SLC44A2: variants seen among roughly 807,000 people sequenced by gnomAD.
SLC44A2 encodes choline transporter-like protein 2.
SLC44A2 carries 57 observed loss-of-function variants against 90.8 expected under a neutral mutation model. The ratio of observed to expected loss-of-function variants is 0.63; its 90% CI spans 0.51 to 0.78. The LOEUF (loss-of-function observed/expected upper bound fraction) is 0.78. SLC44A2 is among the 30% of genes least tolerant of loss of function. SLC44A2 has a pLI of 0.00. For missense variants in SLC44A2, 794 were observed against 919.7 expected (o/e 0.86, Z 1.77); for synonymous variants, 355 against 360.7 (o/e 0.98, Z 0.18).
chr19:10,628,569 A>G (rs1189236942), intron 4 of SLC44A2, among the ~76,000 whole-genome samples: 1 of 152,160 alleles, frequency 6.6e-6, no homozygotes, highest in Non-Finnish European at 1.5e-5. Flanking sequence ...CAACAAGAAA[A>G]GAAAACAAGT....
chr19:10,627,676 C>T, intron 2 of SLC44A2, 46 bp from the exon 3 acceptor site: 1 of 1,600,552 alleles, frequency 6.2e-7, no homozygotes, highest in East Asian at 2.2e-5. Flanking sequence ...GCCCATGGTG[C>T]ACACAGCACC....
At chr19:10,614,469 G>A (rs1343118290) in intron 1 of SLC44A2, among the ~76,000 whole-genome samples, 2 of 151,962 alleles carry the variant, frequency 1.3e-5, no homozygotes, top group Non-Finnish European at 2.9e-5. Flanking sequence ...CTGGCCTCAA[G>A]AGATCCTCCC....
intron 10 of SLC44A2, among the ~76,000 whole-genome samples, chr19:10,632,833 C>T (rs573158188): frequency 4.0e-5 from 6 of 151,822 alleles, no homozygotes; most frequent in Admixed American, 6.6e-5. Flanking sequence ...CCTCCATGCC[C>T]GGCTGATTTC....
At chr19:10,618,958 C>CTTT (rs772955506) in intron 1 of SLC44A2, among the ~76,000 whole-genome samples, 21 of 100,084 alleles carry the variant, frequency 2.1e-4, no homozygotes, top group East Asian at 8.9e-4. Flanking sequence ...GTATACAATT[C>CTTT]TTTTTTTTTT....
At chr19:10,628,394 C>T (rs2066957491) in intron 4 of SLC44A2, among the ~76,000 whole-genome samples, 1 of 152,004 alleles carries the variant, frequency 6.6e-6, no homozygotes, top group Non-Finnish European at 1.5e-5. Flanking sequence ...TCAAAACAAA[C>T]AAGCAAAAAT....
intron 4 of SLC44A2, among the ~76,000 whole-genome samples, chr19:10,629,469 G>T (rs2066970517): frequency 6.6e-6 from 1 of 151,206 alleles, no homozygotes; most frequent in Non-Finnish European, 1.5e-5. Flanking sequence ...GTAGAGACGG[G>T]GTTTCATCAT....
chr19:10,610,202 GA>G (rs1006333734), intron 1 of SLC44A2, among the ~76,000 whole-genome samples: 31 of 148,434 alleles, frequency 2.1e-4, no homozygotes, highest in African/African-American at 6.4e-4. Flanking sequence ...TGTGAAAAAA[GA>G]AAAAAAAATA....
upstream of SLC44A2, among the ~76,000 whole-genome samples, chr19:10,624,911 G>A (rs904916290): frequency 7.9e-5 from 12 of 152,234 alleles, no homozygotes; most frequent in African/African-American, 2.4e-4. Context: ...ACGGTGGGAG[G>A]AGCCCACGAG....
At chr19:10,614,953 A>G (rs1191038300) in intron 1 of SLC44A2, among the ~76,000 whole-genome samples, 1 of 148,216 alleles carries the variant, frequency 6.7e-6, no homozygotes, top group Non-Finnish European at 1.5e-5. Flanking sequence ...CCTGGGTGAC[A>G]GAATGAGACT....
At chr19:10,626,223 C>T in intron 1 of SLC44A2, 30 bp from the exon 2 acceptor site, 1 of 1,597,194 alleles carries the variant, frequency 6.3e-7, no homozygotes, top group Non-Finnish European at 8.6e-7. Flanking sequence ...GGTCTCCAAT[C>T]CCATCCATCT....
Position 10,635,162 on chromosome 19 carries a change from G to A in SLC44A2, c.1056-1G>A. On this transcript the variant is annotated splice_acceptor_variant, in intron 12 of 21. Coordinates refer to ENST00000335757, the MANE Select transcript of SLC44A2 (RefSeq NM_020428.4). LOFTEE classifies it high-confidence loss of function. ...ACGCCTGTGTCTCTGCTCTTCCCTA[G>A]GGCTGTGGGATACGTCATGTGCTCC... The A allele has an allele frequency of 6.2e-7, 1 of 1,613,938 alleles. No individual in the cohort carries two copies. The highest frequency in any genetic ancestry group is 8.5e-7 in the Non-Finnish European group (1 of 1,180,012).
chr19:10,622,883 CAG>C (rs1347172037), upstream of SLC44A2, among the ~76,000 whole-genome samples: 7 of 152,178 alleles, frequency 4.6e-5, no homozygotes, highest in Non-Finnish European at 1.0e-4. Context: ...GCCTGGGCGA[CAG>C]AGTGAGACCC....
chr19:10,635,677 C>A, intron 14 of SLC44A2, 162 bp downstream of exon 14: 1 of 621,378 alleles, frequency 1.6e-6, no homozygotes, highest in South Asian at 2.1e-5. Flanking sequence ...GACTCTCTAA[C>A]TGGATCGAAC....
At chr19:10,607,517 ATTTT>A (rs61695650) in intron 1 of SLC44A2, among the ~76,000 whole-genome samples, 6 of 127,384 alleles carry the variant, frequency 4.7e-5, no homozygotes, top group Non-Finnish European at 3.3e-5. Context: ...TACTCAACTA[ATTTT>A]TTTTTTTTTT....
chr19:10,639,097 C>T (rs914693905), intron 20 of SLC44A2, among the ~76,000 whole-genome samples: 3 of 152,160 alleles, frequency 2.0e-5, no homozygotes, highest in African/African-American at 7.2e-5. Context: ...CCACACCTGG[C>T]TAATTTTTGT....
chr19:10,626,364 C>T, intron 2 of SLC44A2, 63 bp downstream of exon 2: 1 of 1,203,552 alleles, frequency 8.3e-7, no homozygotes, highest in Non-Finnish European at 1.2e-6. Context: ...TGTCTCTTCA[C>T]ACCCCCTCCC....
chr19:10,637,648 A>C lies in SLC44A2; in HGVS notation c.1596A>C (p.Ala532=). The C allele has an allele frequency of 1.2e-6, 2 of 1,614,050 alleles. No homozygotes were observed. Among genetic ancestry groups the C allele is most frequent in the East Asian group, 4.5e-5 (2 of 44,872 alleles). Reference sequence around the variant, plus strand: ...ATCCCTTCCCTTCTCTTCCAGCTGCAGAGAACAAGTTTGCCAAGTGCCTCA... The same window carrying C: ...ATCCCTTCCCTTCTCTTCCAGCTGCCGAGAACAAGTTTGCCAAGTGCCTCA... ...LEYLDQRLKA[A]ENKFAKCLMT... is the part of the protein sequence containing the mutation. Residue 532 remains alanine, a synonymous_variant, in exon 17 of 22, where the codon GCA becomes GCC. Transcript: ENST00000335757.
intron 13 of SLC44A2, 72 bp from the exon 14 acceptor site, chr19:10,635,359 G>T: frequency 1.2e-6 from 2 of 1,603,734 alleles, no homozygotes; most frequent in Non-Finnish European, 1.7e-6. Context: ...ACTGGTGGGA[G>T]AATGGATTCT....
chr19:10,630,990 A>G, intron 4 of SLC44A2, 67 bp from the exon 5 acceptor site: 1 of 1,249,330 alleles, frequency 8.0e-7, no homozygotes, highest in Non-Finnish European at 1.1e-6. Flanking sequence ...GGGCAACAAG[A>G]GCGAGACTCT....
Sources: allele counts gnomAD v4.1 joint callset (sites outside exome capture counted in the v4.1 genomes callset), GRCh38; gene constraint gnomAD v4.1.1; transcripts MANE v1.5; gene names NCBI Gene and HGNC (gene_info 2026-07-23, HGNC 2026-07-21).